The following NCF2 variants were observed in gnomAD, a reference collection of about 807,000 sequenced individuals.
NCF2 encodes neutrophil cytosolic factor 2.
In NCF2, 45 loss-of-function variants were observed where a neutral mutation model predicts 70.9. The ratio of observed to expected loss-of-function variants is 0.63; its 90% CI spans 0.50 to 0.81. The LOEUF (loss-of-function observed/expected upper bound fraction) is 0.81, where lower values mean the gene tolerates loss of function less well. Ranked by LOEUF, NCF2 falls within the 40% of genes least tolerant of loss-of-function variation. NCF2 has a pLI of 0.00. For missense variants in NCF2, 522 were observed against 631.6 expected (o/e 0.83, Z 1.86); for synonymous variants, 203 against 233.6 (o/e 0.87, Z 1.19).
In NCF2 at chr1:183,567,326, G is replaced by A. The variant is rs750380443; in HGVS notation, c.733C>T (p.His245Tyr). Reference sequence around the variant, plus strand: ...GGCACAAACCCAAATAGCACACGGTGAGCCTCCCCTTCCAGAGCCCTGCAG... The same window carrying A: ...GGCACAAACCCAAATAGCACACGGTAAGCCTCCCCTTCCAGAGCCCTGCAG... The part of the protein sequence containing the change: ...EIFRALEGEA[H>Y]RVLFGFVPET... The change falls in exon 8 of 15, where the codon CAC becomes TAC. Residue 245 changes from histidine (H) to tyrosine (Y), a missense_variant. Physicochemically the swap from His to Tyr is moderately conservative, Grantham distance 83. Transcript: ENST00000367535. 6.2e-7 allele frequency: 1 copy of A among 1,613,982 alleles called. No homozygotes were observed. Among genetic ancestry groups the A allele is most frequent in the Non-Finnish European group, 8.5e-7 (1 of 1,180,034 alleles).
chr1:183,591,504 C>T (rs1213649545), upstream of NCF2, among the ~76,000 whole-genome samples: 3 of 136,570 alleles, frequency 2.2e-5, no homozygotes, highest in South Asian at 2.3e-4. Flanking sequence ...TTTTTTGAGA[C>T]GGAGTTTCAC....
At chr1:183,591,640 G>A (rs1673654534), upstream of NCF2, among the ~76,000 whole-genome samples, 1 of 151,894 alleles carries the variant, frequency 6.6e-6, no homozygotes, top group South Asian at 2.1e-4. Context: ...CTGCCACCAC[G>A]CCCTGCTAAT....
upstream of NCF2, among the ~76,000 whole-genome samples, chr1:183,591,664 G>A (rs952549104): frequency 1.3e-5 from 2 of 152,090 alleles, no homozygotes; most frequent in African/African-American, 2.4e-5. Context: ...TGTATTTTTA[G>A]TAGAGATGGG....
intron 13 of NCF2, among the ~76,000 whole-genome samples, chr1:183,560,662 T>C (rs1672003435): frequency 6.6e-6 from 1 of 152,240 alleles, no homozygotes. Flanking sequence ...AATCTAATGC[T>C]GCTGCTGATC....
At chr1:183,593,026 T>C (rs1053953330), upstream of NCF2, among the ~76,000 whole-genome samples, 5 of 152,194 alleles carry the variant, frequency 3.3e-5, no homozygotes, top group Non-Finnish European at 5.9e-5. Context: ...CAGTCCTGCC[T>C]GAAAGCGCTC....
At chr1:183,556,277 A>G in intron 14 of NCF2, 47 bp from the exon 15 acceptor site, 1 of 1,516,958 alleles carries the variant, frequency 6.6e-7, no homozygotes, top group Non-Finnish European at 9.2e-7. Flanking sequence ...CACTGTAGGA[A>G]GATTACCCTG....
At chr1:183,590,953 T>A (rs1673612554), upstream of NCF2, 2 of 161,176 alleles carry the variant, frequency 1.2e-5, no homozygotes, top group Admixed American at 1.2e-4. Context: ...CCCAATTAAT[T>A]ATTTCTGACT....
At chr1:183,601,723 C>T in the NCF2 span, among the ~76,000 whole-genome samples, 1 of 151,820 alleles carries the variant, frequency 6.6e-6, no homozygotes, top group Non-Finnish European at 1.5e-5. Context: ...CTGGGCATGG[C>T]GGCGGGCACC....
At chr1:183,567,434 T>C in intron 7 of NCF2, 89 bp from the exon 8 acceptor site, 5 of 1,580,168 alleles carry the variant, frequency 3.2e-6, no homozygotes, top group Non-Finnish European at 4.3e-6. Context: ...GGGACTTGGC[T>C]CCAGCCTGGC....
rs34110768 is a variant in NCF2 at position 183,589,861 on chromosome 1, G to A, written c.174+295C>T. ...AGGAGTTCTGTGTAGAAGAAAGTAC[G>A]ACTAGGACAGCCTTCACAAAGGTGT... On this transcript the variant is annotated intron_variant, in intron 1 of 14. Coordinates refer to ENST00000367535, the MANE Select transcript of NCF2 (RefSeq NM_000433.4). 0.097 allele frequency among the ~76,000 whole-genome samples: 14,731 copies of A among 152,162 alleles called. 817 individuals carry two copies. Among genetic ancestry groups the A allele is most frequent in the Admixed American group, 0.15 (2,357 of 15,274 alleles).
chr1:183,590,008 C>T, intron 1 of NCF2, 148 bp downstream of exon 1: 2 of 1,239,292 alleles, frequency 1.6e-6, no homozygotes, highest in Non-Finnish European at 2.3e-6. Context: ...CCTCCCAGAC[C>T]AGTTAAATCA....
chr1:183,578,330 C>A (rs1572167788), intron 2 of NCF2, among the ~76,000 whole-genome samples: 1 of 152,124 alleles, frequency 6.6e-6, no homozygotes, highest in African/African-American at 2.4e-5. Flanking sequence ...AAAAAACAAC[C>A]ACTTATGCTA....
rs537628401 is a variant in NCF2, at chr1:183,571,545, AGT to A, written c.610-708_610-707del. Among the ~76,000 whole-genome samples the A allele has an allele frequency of 3.9e-5, 6 of 152,364 alleles. No homozygotes were observed. The South Asian group carries it at 1.2e-3, about 32-fold the overall frequency. ...GAAGAAAATGCTGTACCCATTAAGC[AGT>A]GTGTCCACACTCCCCTTTCCCCTAA... On this transcript the variant is annotated intron_variant, in intron 5 of 14. Coordinates refer to ENST00000367535, the MANE Select transcript of NCF2 (RefSeq NM_000433.4).
rs906149023 is a variant in NCF2 at position 183,555,976 on chromosome 1, G to C, written c.*142C>G. On this transcript the variant is annotated 3_prime_UTR_variant, in exon 15 of 15. Transcript: ENST00000367535. ...TCCTGGGTACTCACATCATTGTCTA[G>C]TAGGTTAAATTTTAACAGGGAATAA... is the stretch of plus-strand genomic sequence containing the variant. The C allele has an allele frequency of 4.0e-6, 3 of 755,810 alleles. No homozygotes were observed. The African/African-American group carries it at 5.2e-5, about 13-fold the overall frequency. The allele number at this position is 755,810 out of a possible 1,614,324, so 46.8% of individuals were successfully genotyped here. A position where few individuals can be genotyped will look rare whatever the true frequency, so the allele number is the denominator to read the frequency against.
intron 5 of NCF2, 25 bp downstream of exon 5, chr1:183,573,159 AG>A: frequency 6.2e-7 from 1 of 1,602,080 alleles, no homozygotes; most frequent in Non-Finnish European, 8.6e-7. Flanking sequence ...CAGGAGACTC[AG>A]GGGAAGCTGA....
the NCF2 span, among the ~76,000 whole-genome samples, chr1:183,599,583 G>C: frequency 7.1e-6 from 1 of 140,654 alleles, no homozygotes; most frequent in Non-Finnish European, 1.5e-5. Context: ...ATGGAGTCTC[G>C]CTGTGTCACC....
Position 183,590,133 on chromosome 1 carries a change from C to T in NCF2, c.174+23G>A, listed in dbSNP as rs1006504613. ...TAATAACAAATGCACAGAGGAGGCC[C>T]GGAAAGAGGCACCTCCACTCACCTT... On this transcript the variant is annotated intron_variant, in intron 1 of 14. Transcript: ENST00000367535. The T allele has an allele frequency of 1.9e-5, 30 of 1,614,028 alleles. No individual in the cohort carries two copies. In the East Asian group the frequency reaches 3.3e-4, roughly 18 times the overall value.
intron 1 of NCF2, among the ~76,000 whole-genome samples, chr1:183,588,658 T>A (rs1673491186): frequency 6.6e-6 from 1 of 152,142 alleles, no homozygotes; most frequent in Non-Finnish European, 1.5e-5. Flanking sequence ...TATACAAACT[T>A]ATACATGAAT....
At chr1:183,597,195 A>G in the NCF2 span, among the ~76,000 whole-genome samples, 3 of 152,172 alleles carry the variant, frequency 2.0e-5, no homozygotes, top group African/African-American at 4.8e-5. Context: ...CGTCTAGAGT[A>G]CCCATTCACT....
Sources: gnomAD v4.1 joint callset for allele counts (sites outside exome capture counted in the v4.1 genomes callset) on GRCh38, gnomAD v4.1.1 for gene constraint, MANE v1.5 for transcripts, NCBI Gene and HGNC (gene_info 2026-07-23, HGNC 2026-07-21) for gene names.